The following PTPRH variants were observed in gnomAD, a reference collection of about 807,000 sequenced individuals.
PTPRH encodes receptor-type tyrosine-protein phosphatase H.
Under a neutral mutation model 130.2 loss-of-function variants are expected in PTPRH, and 113 were observed. The ratio of observed to expected loss-of-function variants is 0.87; its 90% confidence interval spans 0.75 to 1.01. PTPRH has a LOEUF of 1.01. Ranked by LOEUF, PTPRH falls within the 50% of genes least tolerant of loss-of-function variation. PTPRH has a pLI of 0.00. For missense variants in PTPRH, 1,430 were observed against 1,425.0 expected (o/e 1.00, Z -0.06); for synonymous variants, 556 against 577.9 (o/e 0.96, Z 0.54).
intron 1 of PTPRH, among the ~76,000 whole-genome samples, chr19:55,207,616 G>A (rs1343333485): frequency 4.7e-5 from 7 of 150,096 alleles, no homozygotes; most frequent in Non-Finnish European, 1.0e-4. Context: ...GAGGGGCTGG[G>A]GGTCTCGACC....
chr19:55,190,943 G>A (rs1474570276), intron 12 of PTPRH, among the ~76,000 whole-genome samples: 6 of 152,042 alleles, frequency 3.9e-5, no homozygotes, highest in African/African-American at 1.4e-4. Context: ...CCAGGTTCAC[G>A]CCATTCTCCT....
Position 55,206,832 on chromosome 19 carries a change from T to A in PTPRH, c.209A>T (p.Asp70Val). ...NSNYWVQCTGDGGTTETRNTT... is the reference protein window; with the variant it reads ...NSNYWVQCTGVGGTTETRNTT... Reference sequence around the variant, plus strand: ...GTTTCGAGTCTCTGTTGTGCCGCCGTCTCCAGTACACTGAACCCAGTAGTT... The same window carrying A: ...GTTTCGAGTCTCTGTTGTGCCGCCGACTCCAGTACACTGAACCCAGTAGTT... The change falls in exon 3 of 20, where the codon GAC becomes GTC. Residue 70 changes from aspartate to valine, a missense_variant. Asp to Val is a radical substitution (Grantham distance 152). Coordinates refer to ENST00000376350, the MANE Select transcript of PTPRH (RefSeq NM_002842.5). 2 of 1,614,058 alleles carry A rather than the reference T, an allele frequency of 1.2e-6. No individual in the cohort carries two copies. The highest frequency in any genetic ancestry group is 1.1e-5 in the South Asian group (1 of 91,074).
At chr19:55,203,697 A>T (rs2086945921) in intron 5 of PTPRH, 85 bp downstream of exon 5, 2 of 1,459,712 alleles carry the variant, frequency 1.4e-6, no homozygotes, top group South Asian at 2.9e-5. Context: ...GGACTAAAGA[A>T]CCTGTCACAT....
At chr19:55,187,302 G>A (rs1225620593) in intron 14 of PTPRH, among the ~76,000 whole-genome samples, 24 of 114,866 alleles carry the variant, frequency 2.1e-4, no homozygotes, top group Admixed American at 6.5e-4. Flanking sequence ...CCGAGATCGC[G>A]CCACTGCACT....
In PTPRH at chr19:55,186,507, T is replaced by G. The variant is rs1356636384; in HGVS notation, c.2600A>C (p.His867Pro). 6.7e-7 allele frequency: 1 copy of G among 1,499,692 alleles called. No homozygotes were observed. The highest frequency in any genetic ancestry group is 8.8e-7 in the Non-Finnish European group (1 of 1,132,810). The allele number at this position is 1,499,692 out of a possible 1,614,324, so 92.9% of individuals were successfully genotyped here. A position where few individuals can be genotyped will look rare whatever the true frequency, so the allele number is the denominator to read the frequency against. ...DWSRVPLKPI[H>P]EEPGSDYINA... Reference sequence around the variant, plus strand: ...GATGTAGTCAGAGCCTGGCTCCTCATGGATGGGCTTCAGGGGCACCCGGGA... The same window carrying G: ...GATGTAGTCAGAGCCTGGCTCCTCAGGGATGGGCTTCAGGGGCACCCGGGA... Residue 867 changes from histidine to proline, a missense_variant, in exon 15 of 20, where the codon CAT becomes CCT. By Grantham distance (77) the His-to-Pro change is moderately conservative (BLOSUM62 -2). Coordinates refer to ENST00000376350, the MANE Select transcript of PTPRH (RefSeq NM_002842.5).
At position 55,182,073 on chromosome 19, in the gene PTPRH, C is replaced by T. The variant is rs2086192334; in HGVS notation, c.3141G>A (p.Gly1047=). The change falls in exon 19 of 20, where the codon GGG becomes GGA. Residue 1047 remains glycine (G), a synonymous_variant. Transcript: ENST00000376350. Reference sequence around the variant, plus strand: ...TCATCTTCCTTACAAAGCTGAAGGGCCCAAGGAGACCCTCGGACTGCAGCT... The same window carrying T: ...TCATCTTCCTTACAAAGCTGAAGGGTCCAAGGAGACCCTCGGACTGCAGCT... ...LRQLQSEGLL[G]PFSFVRKMRE... is the part of the protein sequence containing the mutation. 1 of 1,614,156 alleles carries T rather than the reference C, an allele frequency of 6.2e-7. No homozygotes were observed. Among genetic ancestry groups the T allele is most frequent in the Non-Finnish European group, 8.5e-7 (1 of 1,180,032 alleles).
chr19:55,207,278 G>A (rs994667680), intron 1 of PTPRH, 79 bp from the exon 2 acceptor site: 218 of 1,503,174 alleles, frequency 1.5e-4, no homozygotes, highest in Non-Finnish European at 1.8e-4. Flanking sequence ...TGGGAGGAGC[G>A]GCTGGTCCCC....
At chr19:55,187,628 C>G in intron 13 of PTPRH, 25 bp from the exon 14 acceptor site, 3 of 1,559,702 alleles carry the variant, frequency 1.9e-6, no homozygotes, top group African/African-American at 1.4e-5. Context: ...AGAGGGGGTA[C>G]CTGGTGTTGG....
At chr19:55,191,838 G>C in intron 10 of PTPRH, 97 bp from the exon 11 acceptor site, 1 of 1,073,962 alleles carries the variant, frequency 9.3e-7, no homozygotes, top group Non-Finnish European at 1.4e-6. Flanking sequence ...CAGGAGCCTG[G>C]TCCAAAGACA....
At chr19:55,198,988 C>G in intron 7 of PTPRH, 76 bp from the exon 8 acceptor site, 1 of 1,328,066 alleles carries the variant, frequency 7.5e-7, no homozygotes, top group Non-Finnish European at 9.8e-7. Flanking sequence ...TACGCCCTGT[C>G]CTTGTGCAGC....
chr19:55,199,130 C>A (rs1247181198), intron 7 of PTPRH, among the ~76,000 whole-genome samples: 1 of 152,068 alleles, frequency 6.6e-6, no homozygotes, highest in African/African-American at 2.4e-5. Flanking sequence ...AATAGTGAGA[C>A]CCTATCGCTA....
intron 5 of PTPRH, among the ~76,000 whole-genome samples, chr19:55,202,689 C>G (rs2086904112): frequency 6.6e-6 from 1 of 151,740 alleles, no homozygotes; most frequent in East Asian, 1.9e-4. Context: ...TGGGTATATA[C>G]TCAGTGTGTA....
chr19:55,188,452 G>A (rs1186902184), intron 12 of PTPRH, among the ~76,000 whole-genome samples: 1 of 152,214 alleles, frequency 6.6e-6, no homozygotes, highest in African/African-American at 2.4e-5. Context: ...GGCAGAGGTT[G>A]TGGTGAACCG....
intron 10 of PTPRH, chr19:55,194,350 C>T (rs1011597414): frequency 3.4e-5 from 42 of 1,239,366 alleles, no homozygotes; most frequent in South Asian, 6.8e-5. Context: ...ACAACCTGTA[C>T]GGGAGACTTG....
In PTPRH at chr19:55,181,454, C is replaced by T. The variant is rs903465367; in HGVS notation, c.*300G>A. ...ACTCCAGACCCAAATTCCTTCCTGC[C>T]TCAGAATCCAGGCCCCAGCCTGTTT... On this transcript the variant is annotated 3_prime_UTR_variant, in exon 20 of 20. Coordinates refer to ENST00000376350, the MANE Select transcript of PTPRH (RefSeq NM_002842.5). 2.2e-5 allele frequency: 7 copies of T among 319,838 alleles called. No individual in the cohort carries two copies. Among genetic ancestry groups the T allele is most frequent in the Non-Finnish European group, 2.9e-5 (5 of 172,600 alleles). 19.8% of individuals were successfully genotyped at this position (319,838 alleles called of 1,614,324 possible).
chr19:55,194,234 G>C, intron 10 of PTPRH: 1 of 1,289,764 alleles, frequency 7.8e-7, no homozygotes, highest in Non-Finnish European at 1.0e-6. Flanking sequence ...TCTTAGGGTA[G>C]GCTCAAGCCT....
At chr19:55,183,076 A>G (rs1204754808) in intron 18 of PTPRH, among the ~76,000 whole-genome samples, 3 of 146,798 alleles carry the variant, frequency 2.0e-5, no homozygotes, top group Non-Finnish European at 3.0e-5. Flanking sequence ...GATTACAGGC[A>G]TGAGCTACTG....
At chr19:55,188,209 C>T (rs2086422287) in intron 12 of PTPRH, 41 bp from the exon 13 acceptor site, 2 of 1,507,034 alleles carry the variant, frequency 1.3e-6, no homozygotes, top group African/African-American at 1.4e-5. Flanking sequence ...ACCGTAACTT[C>T]TTTTAATCTT....
At position 55,187,413 on chromosome 19, in the gene PTPRH, G is replaced by A. The variant is rs2086391494; in HGVS notation, c.2566+100C>T. 1.1e-5 allele frequency: 9 copies of A among 805,666 alleles called. No individual in the cohort carries two copies. In the East Asian group the frequency reaches 2.6e-4, roughly 23 times the overall value. The allele number at this position is 805,666 out of a possible 1,614,324, so 49.9% of individuals were successfully genotyped here. On this transcript the variant is annotated intron_variant, in intron 14 of 19. Transcript: ENST00000376350. ...AAAAAAAAAGGAGACCCACGGTAGG[G>A]GGCAGGACTTGTTTCTCAAAGCGGG...
Sources: gnomAD v4.1 joint callset for allele counts (sites outside exome capture counted in the v4.1 genomes callset) on GRCh38, gnomAD v4.1.1 for gene constraint, MANE v1.5 for transcripts, NCBI Gene and HGNC (gene_info 2026-07-23, HGNC 2026-07-21) for gene names.